SAAL1: variants seen among roughly 807,000 people sequenced by gnomAD.
SAAL1 encodes the protein serum amyloid A like 1, also known as protein SAAL1.
SAAL1 carries 42 observed loss-of-function variants against 59.8 expected under a neutral mutation model. That is an observed-to-expected ratio of 0.70 (90% CI 0.55 to 0.91). The LOEUF is 0.91. Ranked by LOEUF, SAAL1 falls within the 40% of genes least tolerant of loss-of-function variation. SAAL1 has a pLI of 0.00. For missense variants in SAAL1, 542 were observed against 561.1 expected (o/e 0.97, Z 0.34); for synonymous variants, 191 against 194.3 (o/e 0.98, Z 0.14).
At chr11:18,088,209 T>C (rs766792316) in intron 7 of SAAL1, among the ~76,000 whole-genome samples, 4 of 152,186 alleles carry the variant, frequency 2.6e-5, no homozygotes, top group Non-Finnish European at 5.9e-5. Flanking sequence ...AGCTGTACTT[T>C]ATTTTTTTGA....
chr11:18,099,614 A>C (rs1478803847), intron 2 of SAAL1, among the ~76,000 whole-genome samples: 2 of 152,248 alleles, frequency 1.3e-5, no homozygotes, highest in Admixed American at 1.3e-4. Flanking sequence ...AAGGAATTTA[A>C]ATCCATCAGA....
chr11:18,092,712 C>A (rs1003740831), intron 3 of SAAL1, among the ~76,000 whole-genome samples: 4 of 152,152 alleles, frequency 2.6e-5, no homozygotes, highest in African/African-American at 9.7e-5. Context: ...CTGGTTGTGG[C>A]ACAAAGTGGG....
chr11:18,083,621 C>G lies in SAAL1; in HGVS notation c.1153G>C (p.Asp385His). 6.2e-7 allele frequency: 1 copy of G among 1,607,396 alleles called. No individual in the cohort carries two copies. The highest frequency in any genetic ancestry group is 8.5e-7 in the Non-Finnish European group (1 of 1,174,152). ...AAGTGGAAATCATCTTGGGTTAAAT[C>G]AGTCCTTTTAGTTTCCTCTGTGTTA... is the stretch of plus-strand genomic sequence containing the variant. The part of the protein sequence containing the change: ...ESNTEETKRT[D>H]LTQDDFHLKI... The change falls in exon 10 of 12, where the codon GAT becomes CAT. Residue 385 changes from aspartate to histidine, a missense_variant. Coordinates refer to ENST00000524803, the MANE Select transcript of SAAL1 (RefSeq NM_138421.3).
At position 18,081,506 on chromosome 11, in the gene SAAL1, A is replaced by G; in HGVS notation, c.1240-3T>C. ...TTTACTCCCTGAGCCACCGTCTCCTAAAACAACAACAAGATTTAATGTCAA... is the reference window on the plus strand; with the variant it reads ...TTTACTCCCTGAGCCACCGTCTCCTGAAACAACAACAAGATTTAATGTCAA... On this transcript the variant is annotated splice_region_variant and splice_polypyrimidine_tract_variant and intron_variant, in intron 10 of 11. Coordinates refer to ENST00000524803, the MANE Select transcript of SAAL1 (RefSeq NM_138421.3). The G allele has an allele frequency of 6.2e-7, 1 of 1,613,202 alleles. No homozygotes were observed. Among genetic ancestry groups the G allele is most frequent in the Non-Finnish European group, 8.5e-7 (1 of 1,179,196 alleles).
At chr11:18,090,559 T>C (rs1848513905) in intron 4 of SAAL1, 66 bp from the exon 5 acceptor site, 1 of 1,541,816 alleles carries the variant, frequency 6.5e-7, no homozygotes, top group East Asian at 2.3e-5. Context: ...GAGTTTTCAT[T>C]TAATTTTTTG....
chr11:18,097,631 T>C (rs1319310955), intron 2 of SAAL1, among the ~76,000 whole-genome samples: 4 of 151,890 alleles, frequency 2.6e-5, no homozygotes, highest in Admixed American at 2.0e-4. Context: ...GTGGGTGGAT[T>C]ACTTGAGCCC....
rs1269239671 is a variant in SAAL1, at chr11:18,089,220, T to A, written c.770+110A>T. 4.4e-6 allele frequency: 4 copies of A among 910,988 alleles called. No individual in the cohort carries two copies. The East Asian group carries it at 8.6e-5, about 20-fold the overall frequency. 56.4% of individuals were successfully genotyped at this position (910,988 alleles called of 1,614,324 possible). A position where few individuals can be genotyped will look rare whatever the true frequency, so the allele number is the denominator to read the frequency against. The stretch of plus-strand genomic sequence containing the variant: ...AGTAGTGAATTAACGTAACAAGGAG[T>A]GACTATGTACTTTATTCTGTTGTAA... On this transcript the variant is annotated intron_variant, in intron 7 of 11. Coordinates refer to ENST00000524803, the MANE Select transcript of SAAL1 (RefSeq NM_138421.3).
intron 2 of SAAL1, among the ~76,000 whole-genome samples, chr11:18,101,949 T>C (rs1848638597): frequency 6.6e-6 from 1 of 152,016 alleles, no homozygotes; most frequent in African/African-American, 2.4e-5. Flanking sequence ...TACATACTAA[T>C]CTGTAGTGAC....
At chr11:18,098,748 T>C (rs935099145) in intron 2 of SAAL1, among the ~76,000 whole-genome samples, 1 of 152,254 alleles carries the variant, frequency 6.6e-6, no homozygotes, top group Non-Finnish European at 1.5e-5. Context: ...TAATGGCAGA[T>C]TCTCTTCACT....
intron 2 of SAAL1, among the ~76,000 whole-genome samples, chr11:18,100,771 C>T (rs1466569442): frequency 1.3e-5 from 2 of 152,136 alleles, no homozygotes; most frequent in Non-Finnish European, 2.9e-5. Context: ...GAGAAAGGAT[C>T]GTCTTTTCAA....
At chr11:18,098,219 AT>A (rs1486173384) in intron 2 of SAAL1, among the ~76,000 whole-genome samples, 1 of 151,708 alleles carries the variant, frequency 6.6e-6, no homozygotes, top group African/African-American at 2.4e-5. Context: ...AAGAACTGCT[AT>A]TGGGTCCTGT....
chr11:18,101,406 C>A (rs1278664395), intron 2 of SAAL1, among the ~76,000 whole-genome samples: 1 of 152,130 alleles, frequency 6.6e-6, no homozygotes, highest in African/African-American at 2.4e-5. Flanking sequence ...ATGCTGTTCT[C>A]ATGATAATGA....
At chr11:18,103,901 G>A (rs1346470477) in intron 1 of SAAL1, among the ~76,000 whole-genome samples, 2 of 152,120 alleles carry the variant, frequency 1.3e-5, no homozygotes, top group Admixed American at 1.3e-4. Context: ...TTTTTGCTTT[G>A]TAAACATTTA....
intron 6 of SAAL1, 109 bp from the exon 7 acceptor site, chr11:18,089,619 T>C (rs1848501093): frequency 1.1e-6 from 1 of 890,022 alleles, no homozygotes; most frequent in Non-Finnish European, 1.7e-6. Flanking sequence ...GCCAAAGCAG[T>C]ACTTATTCTA....
Position 18,086,932 on chromosome 11 carries a change from C to A in SAAL1, c.976G>T (p.Val326Phe). 5.6e-6 allele frequency: 9 copies of A among 1,613,982 alleles called. No homozygotes were observed. Among genetic ancestry groups the A allele is most frequent in the Non-Finnish European group, 7.6e-6 (9 of 1,179,906 alleles). Reference sequence around the variant, plus strand: ...TAGATGGCAGACAACACTGAAAAAACAGAGGCTAGCACTGTTTTCTGTTCT... The same window carrying A: ...TAGATGGCAGACAACACTGAAAAAAAAGAGGCTAGCACTGTTTTCTGTTCT... ...LQEQKTVLAS[V>F]FSVLSAIYAS... The change falls in exon 9 of 12, where the codon GTT becomes TTT. Residue 326 changes from valine (V) to phenylalanine (F), a missense_variant. Physicochemically the swap from Val to Phe is conservative, Grantham distance 50. Coordinates refer to ENST00000524803, the MANE Select transcript of SAAL1 (RefSeq NM_138421.3).
chr11:18,083,848 T>C (rs1848435588), intron 9 of SAAL1, 117 bp from the exon 10 acceptor site: 2 of 529,258 alleles, frequency 3.8e-6, no homozygotes, highest in Non-Finnish European at 6.5e-6. Context: ...ACTGGTAACA[T>C]CAGCAAGATG....
chr11:18,084,218 C>T (rs1245085064), intron 9 of SAAL1, among the ~76,000 whole-genome samples: 1 of 152,160 alleles, frequency 6.6e-6, no homozygotes, highest in Non-Finnish European at 1.5e-5. Context: ...CTACCACTAC[C>T]ACTGTTACCA....
At chr11:18,090,143 A>C in intron 6 of SAAL1, 32 bp downstream of exon 6, 1 of 1,460,244 alleles carries the variant, frequency 6.8e-7, no homozygotes, top group Non-Finnish European at 9.2e-7. Context: ...ACAATTTAAA[A>C]CATTTTTTTT....
intron 2 of SAAL1, among the ~76,000 whole-genome samples, chr11:18,102,971 C>G (rs773297575): frequency 2.0e-5 from 3 of 152,142 alleles, no homozygotes; most frequent in Non-Finnish European, 4.4e-5. Flanking sequence ...TCAGAACTTT[C>G]CCGGCCTACA....
Sources: gnomAD v4.1 joint callset for allele counts (sites outside exome capture counted in the v4.1 genomes callset) on GRCh38, gnomAD v4.1.1 for gene constraint, MANE v1.5 for transcripts, NCBI Gene and HGNC (gene_info 2026-07-23, HGNC 2026-07-21) for gene names.